Variants in CNTN1 observed in about 807,000 individuals in gnomAD.
CNTN1 encodes the protein contactin-1.
Under a neutral mutation model 126.4 loss-of-function variants are expected in CNTN1, and 38 were observed. The ratio of observed to expected loss-of-function variants is 0.30; its 90% confidence interval spans 0.23 to 0.39. The LOEUF (loss-of-function observed/expected upper bound fraction) is 0.39. Among genes scored for constraint, CNTN1 ranks in the 10% least tolerant of loss-of-function variants. The probability of loss-of-function intolerance (pLI) is 1.00; values close to 1 mark genes in which losing one functional copy is unlikely to be tolerated. For missense variants in CNTN1, 1,009 were observed against 1,248.4 expected (o/e 0.81, Z 2.89); for synonymous variants, 413 against 422.6 (o/e 0.98, Z 0.28).
intron 14 of CNTN1, among the ~76,000 whole-genome samples, chr12:40,944,484 C>G (rs1946369567): frequency 6.6e-6 from 1 of 151,790 alleles, no homozygotes; most frequent in Non-Finnish European, 1.5e-5. Flanking sequence ...GGTTCTAGTG[C>G]CTTCCTTTTT....
intron 1 of CNTN1, among the ~76,000 whole-genome samples, chr12:40,752,601 C>A (rs926095378): frequency 1.3e-5 from 2 of 151,938 alleles, no homozygotes; most frequent in Admixed American, 1.3e-4. Context: ...GTTATTTTAT[C>A]CAACTTCAAA....
intron 17 of CNTN1, among the ~76,000 whole-genome samples, chr12:40,994,540 T>C (rs1032134786): frequency 6.6e-6 from 1 of 152,100 alleles, no homozygotes; most frequent in African/African-American, 2.4e-5. Flanking sequence ...TATATTTTTG[T>C]TTTTAAAGAA....
intron 16 of CNTN1, among the ~76,000 whole-genome samples, chr12:40,981,820 T>A (rs1361678654): frequency 5.9e-5 from 9 of 152,022 alleles, no homozygotes; most frequent in Admixed American, 5.9e-4. Flanking sequence ...AACAAACTTG[T>A]CATTGCCAGA....
intron 16 of CNTN1, among the ~76,000 whole-genome samples, chr12:40,988,227 C>A (rs1414282950): frequency 6.6e-6 from 1 of 152,122 alleles, no homozygotes; most frequent in South Asian, 2.1e-4. Flanking sequence ...TTCTCATTTC[C>A]AGTCTCAAAC....
chr12:40,891,957 A>G (rs1944253801), intron 1 of CNTN1, among the ~76,000 whole-genome samples: 1 of 152,118 alleles, frequency 6.6e-6, no homozygotes, highest in Non-Finnish European at 1.5e-5. Context: ...ATTGTATTGA[A>G]TCTGTAGATC....
chr12:40,779,002 G>A (rs1303623316), intron 1 of CNTN1, among the ~76,000 whole-genome samples: 1 of 148,750 alleles, frequency 6.7e-6, no homozygotes, highest in African/African-American at 2.4e-5. Context: ...TAAAAATTAG[G>A]CAGCATATTG....
At chr12:40,825,471 C>T (rs904995877) in intron 1 of CNTN1, among the ~76,000 whole-genome samples, 119 of 152,212 alleles carry the variant, frequency 7.8e-4, no homozygotes, top group African/African-American at 2.7e-3. Flanking sequence ...GAGTTCACTC[C>T]TTATTTTACA....
intron 10 of CNTN1, 70 bp downstream of exon 10, chr12:40,936,975 T>C: frequency 1.3e-6 from 2 of 1,592,778 alleles, no homozygotes; most frequent in Non-Finnish European, 8.6e-7. Flanking sequence ...AGTCCTGGGA[T>C]AAATTTAGCA....
At chr12:40,796,334 A>T (rs1295330336) in intron 1 of CNTN1, among the ~76,000 whole-genome samples, 1 of 152,078 alleles carries the variant, frequency 6.6e-6, no homozygotes, top group African/African-American at 2.4e-5. Context: ...GATTTGCTTC[A>T]GACCTTTAGA....
At chr12:40,937,486 T>A in intron 10 of CNTN1, 84 bp from the exon 11 acceptor site, 1 of 904,314 alleles carries the variant, frequency 1.1e-6, no homozygotes, top group East Asian at 2.4e-5. Context: ...TGTATCTAAA[T>A]GAAAAGACAA....
chr12:40,850,181 C>T (rs907044484), intron 1 of CNTN1, among the ~76,000 whole-genome samples: 5 of 152,114 alleles, frequency 3.3e-5, no homozygotes, highest in Non-Finnish European at 5.9e-5. Flanking sequence ...CTGAACTCTC[C>T]TTCCATGGAC....
chr12:40,839,656 C>A (rs76694664), intron 1 of CNTN1, among the ~76,000 whole-genome samples: 2,647 of 152,222 alleles, frequency 0.017, 74 homozygotes, highest in African/African-American at 0.06. Context: ...GTCAAAAATG[C>A]TATATCCAGC....
chr12:40,827,104 C>T (rs1250983081), intron 1 of CNTN1, among the ~76,000 whole-genome samples: 1 of 152,004 alleles, frequency 6.6e-6, no homozygotes, highest in African/African-American at 2.4e-5. Context: ...ACTGTTACGA[C>T]ATTTTAAAAT....
At chr12:40,953,698 T>C (rs550958023) in intron 14 of CNTN1, among the ~76,000 whole-genome samples, 1 of 152,164 alleles carries the variant, frequency 6.6e-6, no homozygotes, top group South Asian at 2.1e-4. Flanking sequence ...AAAGAGTTCA[T>C]GGTGAAAAAT....
At chr12:40,801,756 T>A (rs1396488177) in intron 1 of CNTN1, among the ~76,000 whole-genome samples, 1 of 151,824 alleles carries the variant, frequency 6.6e-6, no homozygotes, top group African/African-American at 2.4e-5. Context: ...ATATTAATCG[T>A]AGTGGGAAAA....
chr12:40,739,656 ATTTC>A (rs1937850454), intron 1 of CNTN1, among the ~76,000 whole-genome samples: 1 of 152,062 alleles, frequency 6.6e-6, no homozygotes, highest in South Asian at 2.1e-4. Context: ...GTAATGTTTT[ATTTC>A]TTTAAGAAAT....
At chr12:40,998,605 C>G (rs1331687268) in intron 17 of CNTN1, among the ~76,000 whole-genome samples, 1 of 152,002 alleles carries the variant, frequency 6.6e-6, no homozygotes, top group South Asian at 2.1e-4. Context: ...TTGCAAAGAA[C>G]TATTCTCATT....
chr12:40,719,880 C>G (rs1476705356), intron 1 of CNTN1, among the ~76,000 whole-genome samples: 3 of 152,122 alleles, frequency 2.0e-5, no homozygotes. Context: ...CTCTATTGCC[C>G]AGGCTGGAGT....
chr12:40,771,254 G>C (rs1939325663), intron 1 of CNTN1, among the ~76,000 whole-genome samples: 1 of 152,038 alleles, frequency 6.6e-6, no homozygotes. Context: ...ATTAGAATCT[G>C]GGCTAGAACC....
Sources: gnomAD v4.1 joint callset for allele counts (sites outside exome capture counted in the v4.1 genomes callset) on GRCh38, gnomAD v4.1.1 for gene constraint, MANE v1.5 for transcripts, NCBI Gene and HGNC (gene_info 2026-07-23, HGNC 2026-07-21) for gene names.